The following MBTPS1 variants were observed in gnomAD, a reference collection of about 807,000 sequenced individuals.
The protein encoded by MBTPS1 is membrane-bound transcription factor site-1 protease.
MBTPS1 carries 94 observed loss-of-function variants against 127.8 expected under a neutral mutation model. The ratio of observed to expected loss-of-function variants is 0.74; its 90% CI spans 0.62 to 0.87. The LOEUF is 0.87. Ranked by LOEUF, MBTPS1 falls within the 40% of genes least tolerant of loss-of-function variation. The probability of loss-of-function intolerance (pLI) is 0.00; values close to 1 mark genes in which losing one functional copy is unlikely to be tolerated. For missense variants in MBTPS1, 1,636 were observed against 1,353.2 expected (o/e 1.21, Z -3.28); for synonymous variants, 632 against 509.4 (o/e 1.24, Z -3.24).
chr16:84,082,684 G>T (rs1047637077), intron 10 of MBTPS1, among the ~76,000 whole-genome samples: 4 of 152,116 alleles, frequency 2.6e-5, no homozygotes, highest in African/African-American at 9.7e-5. Flanking sequence ...CTAAATATTC[G>T]TATGTGATGA....
At chr16:84,093,132 G>C in intron 6 of MBTPS1, 56 bp downstream of exon 6, 2 of 1,165,482 alleles carry the variant, frequency 1.7e-6, no homozygotes, top group Non-Finnish European at 1.3e-6. Flanking sequence ...CAGTGATTCT[G>C]CTTTTTACAT....
chr16:84,062,389 G>A (rs2085625731), intron 19 of MBTPS1, among the ~76,000 whole-genome samples: 1 of 152,212 alleles, frequency 6.6e-6, no homozygotes, highest in Non-Finnish European at 1.5e-5. Context: ...AAAGTGCTGG[G>A]ATCACAGGCG....
Position 84,093,111 on chromosome 16 carries a change from T to C in MBTPS1, c.846+77A>G, listed in dbSNP as rs932200464. On this transcript the variant is annotated intron_variant, in intron 6 of 22. Transcript: ENST00000343411. ...CTGACGTGCACTCCTTTTACACAAG[T>C]GTGTACAGTCCAGTGATTCTGCTTT... The C allele has an allele frequency of 1.7e-5, 16 of 950,152 alleles. No homozygotes were observed. In the African/African-American group the frequency reaches 2.4e-4, roughly 14 times the overall value. The allele number at this position is 950,152 out of a possible 1,614,324, so 58.9% of individuals were successfully genotyped here.
chr16:84,108,674 C>G (rs2086358266), intron 1 of MBTPS1, among the ~76,000 whole-genome samples: 1 of 152,148 alleles, frequency 6.6e-6, no homozygotes, highest in Non-Finnish European at 1.5e-5. Flanking sequence ...ATGGCAGAAG[C>G]CCACTACAGG....
intron 11 of MBTPS1, among the ~76,000 whole-genome samples, chr16:84,080,087 G>A (rs2085917802): frequency 6.6e-6 from 1 of 152,194 alleles, no homozygotes; most frequent in Non-Finnish European, 1.5e-5. Flanking sequence ...GACACATGCT[G>A]AAAACACACA....
intron 8 of MBTPS1, among the ~76,000 whole-genome samples, chr16:84,090,377 A>G (rs965440363): frequency 1.3e-5 from 2 of 152,162 alleles, no homozygotes; most frequent in South Asian, 4.1e-4. Context: ...CCCTCTCATC[A>G]ACTCCCAAAG....
chr16:84,090,922 G>C lies in MBTPS1; in HGVS notation c.984C>G (p.Asn328Lys). The change falls in exon 8 of 23, where the codon AAC (asparagine) becomes AAG (lysine). Residue 328 changes from asparagine to lysine, a missense_variant. Coordinates refer to ENST00000343411, the MANE Select transcript of MBTPS1 (RefSeq NM_003791.4). Reference protein sequence around the residue: ...FVDKVWELTANNVIMVSAIGN... With the variant: ...FVDKVWELTAKNVIMVSAIGN... Reference sequence around the variant, plus strand: ...CAATAGCAGAAACCATGATTACATTGTTAGCTGTTAATTCCCACACCTACA... The same window carrying C: ...CAATAGCAGAAACCATGATTACATTCTTAGCTGTTAATTCCCACACCTACA... The C allele has an allele frequency of 6.2e-7, 1 of 1,610,016 alleles. No individual in the cohort carries two copies. Among genetic ancestry groups the C allele is most frequent in the Non-Finnish European group, 8.5e-7 (1 of 1,178,166 alleles).
intron 2 of MBTPS1, among the ~76,000 whole-genome samples, chr16:84,100,042 T>C (rs1338697410): frequency 6.6e-6 from 1 of 152,210 alleles, no homozygotes; most frequent in Non-Finnish European, 1.5e-5. Flanking sequence ...ATCTGGTCAC[T>C]CAAACTTTAG....
At chr16:84,066,025 T>C (rs2085677762) in intron 17 of MBTPS1, among the ~76,000 whole-genome samples, 1 of 152,156 alleles carries the variant, frequency 6.6e-6, no homozygotes, top group South Asian at 2.1e-4. Context: ...TAACATTAGG[T>C]TTCTGAATAG....
chr16:84,060,976 G>A (rs2085602653), intron 19 of MBTPS1, 163 bp from the exon 20 acceptor site: 1 of 587,536 alleles, frequency 1.7e-6, no homozygotes, highest in East Asian at 3.1e-5. Flanking sequence ...TGAGACTGAA[G>A]GCACATGACA....
intron 11 of MBTPS1, chr16:84,074,978 C>T: frequency 3.0e-6 from 1 of 331,240 alleles, no homozygotes; most frequent in East Asian, 5.2e-5. Flanking sequence ...TCTGCTTTTG[C>T]AAGTCTGGAG....
chr16:84,081,946 T>C (rs941112501), intron 10 of MBTPS1, 38 bp from the exon 11 acceptor site: 3 of 1,345,306 alleles, frequency 2.2e-6, no homozygotes, highest in Non-Finnish European at 2.9e-6. Context: ...TTTCTCTCAG[T>C]AAAAGAATGG....
intron 9 of MBTPS1, among the ~76,000 whole-genome samples, chr16:84,085,574 C>CCA (rs2086009216): frequency 1.1e-5 from 1 of 93,770 alleles, no homozygotes; most frequent in South Asian, 4.8e-4. Flanking sequence ...CGCACCCGCC[C>CCA]CCCCCCCAAA....
chr16:84,070,200 C>A (rs761247371), intron 13 of MBTPS1, among the ~76,000 whole-genome samples, 162 bp from the exon 14 acceptor site: 2 of 152,302 alleles, frequency 1.3e-5, no homozygotes, highest in Non-Finnish European at 2.9e-5. Context: ...ATAACTAAGT[C>A]CATTCAAACA....
chr16:84,087,319 G>C (rs375707952), intron 9 of MBTPS1, 39 bp downstream of exon 9: 6 of 1,511,404 alleles, frequency 4.0e-6, no homozygotes, highest in Middle Eastern at 1.7e-4. Context: ...ACAGTAGTTT[G>C]TCCAGCTAAA....
intron 11 of MBTPS1, 110 bp downstream of exon 11, chr16:84,081,637 T>C: frequency 3.4e-6 from 3 of 877,214 alleles, no homozygotes; most frequent in South Asian, 4.4e-5. Context: ...CCGAGAATTC[T>C]GTGCTTAGTC....
intron 17 of MBTPS1, among the ~76,000 whole-genome samples, chr16:84,066,117 G>C (rs1393712928): frequency 1.3e-5 from 2 of 152,200 alleles, no homozygotes; most frequent in Non-Finnish European, 2.9e-5. Context: ...TTACGACGTT[G>C]TTCTCAAAAC....
Position 84,070,631 on chromosome 16 carries a change from T to C in MBTPS1, c.1739A>G (p.Gln580Arg), listed in dbSNP as rs755668850. 6.2e-7 allele frequency: 1 copy of C among 1,613,416 alleles called. No individual in the cohort carries two copies. The highest frequency in any genetic ancestry group is 8.5e-7 in the Non-Finnish European group (1 of 1,179,910). ...AGCCACAGTGATCATGACATGGCCC[T>C]GAGCAATGCCTTCCCAGGAAGCCGC... is the stretch of plus-strand genomic sequence containing the variant. ...KKAASWEGIA[Q>R]GHVMITVASP... Residue 580 changes from glutamine (Q) to arginine (R), a missense_variant, in exon 13 of 23, where the codon CAG becomes CGG. Gln to Arg is a conservative substitution (Grantham distance 43). Transcript: ENST00000343411.
chr16:84,098,241 T>C (rs952197343), intron 3 of MBTPS1, among the ~76,000 whole-genome samples: 2 of 152,190 alleles, frequency 1.3e-5, no homozygotes, highest in African/African-American at 2.4e-5. Flanking sequence ...ACCCAGCTGA[T>C]GCATGACCAT....
Sources: gnomAD v4.1 joint callset for allele counts (sites outside exome capture counted in the v4.1 genomes callset) on GRCh38, gnomAD v4.1.1 for gene constraint, MANE v1.5 for transcripts, NCBI Gene and HGNC (gene_info 2026-07-23, HGNC 2026-07-21) for gene names.